Variants in SDHC observed in about 807,000 individuals in gnomAD.
SDHC encodes succinate dehydrogenase cytochrome b560 subunit, mitochondrial.
SDHC carries 11 observed loss-of-function variants against 22.6 expected under a neutral mutation model. That is an observed-to-expected ratio of 0.49 (90% CI 0.31 to 0.81). The LOEUF (loss-of-function observed/expected upper bound fraction) is 0.81, where lower values mean the gene tolerates loss of function less well. SDHC is among the 30% of genes least tolerant of loss of function. The pLI is 0.05. For missense variants in SDHC, 160 were observed against 212.0 expected (o/e 0.75, Z 1.52); for synonymous variants, 80 against 77.8 (o/e 1.03, Z -0.15).
chr1:161,318,171 C>CA lies in SDHC; in HGVS notation c.20+3759dup, dbSNP rs201470711. ...TGGGCAACAGAGCAAGACTCCATCT[C>CA]AAAAAAAAAAAAATTGTACTGTGTT... On this transcript the variant is annotated intron_variant, in intron 1 of 5. Transcript: ENST00000367975. Among the ~76,000 whole-genome samples the CA allele has an allele frequency of 4.4e-3, 630 of 141,612 alleles. 5 individuals carry two copies. The highest frequency in any genetic ancestry group is 0.012 in the African/African-American group (488 of 39,068). 92.9% of individuals were successfully genotyped at this position (141,612 alleles called of 152,430 possible). A position where few individuals can be genotyped will look rare whatever the true frequency, so the allele number is the denominator to read the frequency against.
intron 3 of SDHC, among the ~76,000 whole-genome samples, chr1:161,333,699 G>T (rs977604611): frequency 1.4e-4 from 22 of 152,210 alleles, no homozygotes; most frequent in African/African-American, 5.3e-4. Context: ...ACGGCATCCG[G>T]CCTATGTTTA....
At chr1:161,360,728 A>G (rs968576505) in intron 5 of SDHC, among the ~76,000 whole-genome samples, 4 of 151,924 alleles carry the variant, frequency 2.6e-5, no homozygotes, top group African/African-American at 9.7e-5. Context: ...ATTTTTTAGT[A>G]TTAAAAAGAA....
At chr1:161,345,020 A>T (rs1671844481) in intron 4 of SDHC, among the ~76,000 whole-genome samples, 1 of 151,984 alleles carries the variant, frequency 6.6e-6, no homozygotes, top group South Asian at 2.1e-4. Context: ...GAATCATGTC[A>T]CTCCCTTCCT....
Position 161,356,181 on chromosome 1 carries a change from T to G in SDHC, c.242-496T>G, listed in dbSNP as rs553877305. ...AACATACTAAAACATATGGCACATT[T>G]AGTTTATGATGAGATCCCAAGTAGT... On this transcript the variant is annotated intron_variant, in intron 4 of 5. Transcript: ENST00000367975. 4.6e-5 allele frequency among the ~76,000 whole-genome samples: 7 copies of G among 152,290 alleles called. No individual in the cohort carries two copies. In the East Asian group the frequency reaches 1.3e-3, roughly 29 times the overall value.
At chr1:161,322,140 C>T (rs1670860060) in intron 1 of SDHC, among the ~76,000 whole-genome samples, 2 of 152,196 alleles carry the variant, frequency 1.3e-5, no homozygotes, top group Non-Finnish European at 2.9e-5. Context: ...CAAAATATTC[C>T]AGTGAGCATT....
chr1:161,329,624 G>A (rs1346176381), intron 3 of SDHC, among the ~76,000 whole-genome samples: 3 of 152,174 alleles, frequency 2.0e-5, no homozygotes, highest in Non-Finnish European at 4.4e-5. Context: ...GAGCCATCAC[G>A]CCCAGTCCCT....
Position 161,362,994 on chromosome 1 carries a change from G to A in SDHC, c.*561G>A, listed in dbSNP as rs916337716. ...AGCTAGAGGGAGATAAAGAGGGCTA[G>A]TTAGTTCTTGGAGCAGCTGCTTTTG... On this transcript the variant is annotated 3_prime_UTR_variant, in exon 6 of 6. Coordinates refer to ENST00000367975, the MANE Select transcript of SDHC (RefSeq NM_003001.5). The A allele has an allele frequency of 3.9e-6, 1 of 254,346 alleles. No homozygotes were observed. The highest frequency in any genetic ancestry group is 2.2e-5 in the African/African-American group (1 of 45,838). The allele number at this position is 254,346 out of a possible 1,614,324, so 15.8% of individuals were successfully genotyped here. A position where few individuals can be genotyped will look rare whatever the true frequency, so the allele number is the denominator to read the frequency against.
intron 4 of SDHC, among the ~76,000 whole-genome samples, chr1:161,354,508 C>T (rs1230179911): frequency 6.6e-6 from 1 of 152,062 alleles, no homozygotes; most frequent in Non-Finnish European, 1.5e-5. Context: ...TAGCAATGAT[C>T]CCAAACTATC....
At chr1:161,327,197 G>A (rs1671088676) in intron 2 of SDHC, among the ~76,000 whole-genome samples, 2 of 152,186 alleles carry the variant, frequency 1.3e-5, no homozygotes, top group Admixed American at 6.5e-5. Context: ...CCAAAGTGCC[G>A]GGATTATAGG....
intron 4 of SDHC, among the ~76,000 whole-genome samples, chr1:161,353,115 A>G (rs1672149073): frequency 1.3e-5 from 2 of 152,246 alleles, no homozygotes; most frequent in Admixed American, 6.5e-5. Context: ...TGTATTATTC[A>G]TAGGAAAACA....
At chr1:161,327,755 G>T (rs1241367378) in intron 2 of SDHC, among the ~76,000 whole-genome samples, 1 of 151,706 alleles carries the variant, frequency 6.6e-6, no homozygotes, top group Non-Finnish European at 1.5e-5. Flanking sequence ...GTAGAGATGG[G>T]GTTTCACCGT....
intron 1 of SDHC, among the ~76,000 whole-genome samples, chr1:161,319,112 T>C (rs184066584): frequency 1.9e-4 from 29 of 152,238 alleles, no homozygotes; most frequent in Non-Finnish European, 2.9e-4. Context: ...TCCCAGCTAC[T>C]CAGAAGGCTG....
At chr1:161,334,629 G>C (rs1381114881) in intron 3 of SDHC, among the ~76,000 whole-genome samples, 2 of 152,038 alleles carry the variant, frequency 1.3e-5, no homozygotes, top group Non-Finnish European at 2.9e-5. Flanking sequence ...TCTAGAAATG[G>C]AGTTTGGCCA....
Position 161,314,628 on chromosome 1 carries a change from C to G in SDHC, c.20+203C>G, listed in dbSNP as rs545474501. On this transcript the variant is annotated intron_variant, in intron 1 of 5. Coordinates refer to ENST00000367975, the MANE Select transcript of SDHC (RefSeq NM_003001.5). ...GGTGCGCTCCGTAGGGCTTCGGGGT[C>G]ACTGACTTCGTATCGAGGGGCCCTC... is the stretch of plus-strand genomic sequence containing the variant. 47 of 620,940 alleles carry G rather than the reference C, an allele frequency of 7.6e-5. No homozygotes were observed. In the East Asian group the frequency reaches 1.3e-3, roughly 17 times the overall value. The allele number at this position is 620,940 out of a possible 1,614,324, so 38.5% of individuals were successfully genotyped here. A position where few individuals can be genotyped will look rare whatever the true frequency, so the allele number is the denominator to read the frequency against.
intron 4 of SDHC, 93 bp downstream of exon 4, chr1:161,340,748 C>A: frequency 2.2e-6 from 2 of 928,200 alleles, no homozygotes; most frequent in Non-Finnish European, 3.6e-6. Context: ...TGAAACTCAG[C>A]ACTTGATTTA....
intron 5 of SDHC, among the ~76,000 whole-genome samples, chr1:161,361,076 G>C (rs1672490735): frequency 6.6e-6 from 1 of 152,118 alleles, no homozygotes; most frequent in Admixed American, 6.5e-5. Flanking sequence ...TGGCGCCACT[G>C]GAGTGGCTGG....
chr1:161,346,353 G>A (rs189900332), intron 4 of SDHC, among the ~76,000 whole-genome samples: 1 of 151,758 alleles, frequency 6.6e-6, no homozygotes, highest in South Asian at 2.1e-4. Context: ...TACTCTCAAG[G>A]ATAGAGGAAT....
At chr1:161,339,062 C>T (rs1671604548) in intron 3 of SDHC, among the ~76,000 whole-genome samples, 1 of 152,120 alleles carries the variant, frequency 6.6e-6, no homozygotes, top group South Asian at 2.1e-4. Context: ...GTTGGCCAGC[C>T]TGGTCTCGAA....
intron 4 of SDHC, among the ~76,000 whole-genome samples, chr1:161,353,002 A>C (rs1374363850): frequency 6.6e-6 from 1 of 152,116 alleles, no homozygotes; most frequent in Non-Finnish European, 1.5e-5. Flanking sequence ...AAAAAGAAAA[A>C]ATTGGTGTGG....
Sources: allele counts gnomAD v4.1 joint callset (sites outside exome capture counted in the v4.1 genomes callset), GRCh38; gene constraint gnomAD v4.1.1; transcripts MANE v1.5; gene names NCBI Gene and HGNC (gene_info 2026-07-23, HGNC 2026-07-21).